The following MMS22L variants were observed in gnomAD, a reference collection of about 807,000 sequenced individuals.
The protein encoded by MMS22L is MMS22 like, DNA repair protein.
In MMS22L, 74 loss-of-function variants were observed where a neutral mutation model predicts 159.1. The ratio of observed to expected loss-of-function variants is 0.47; its 90% CI spans 0.39 to 0.56. The LOEUF (loss-of-function observed/expected upper bound fraction) is 0.56. MMS22L is among the 20% of genes least tolerant of loss of function. The pLI is 0.00. For missense variants in MMS22L, 1,351 were observed against 1,422.1 expected (o/e 0.95, Z 0.80); for synonymous variants, 517 against 506.9 (o/e 1.02, Z -0.27).
intron 14 of MMS22L, among the ~76,000 whole-genome samples, chr6:97,198,307 C>T (rs1483930152): frequency 2.0e-5 from 3 of 152,154 alleles, no homozygotes; most frequent in Admixed American, 2.0e-4. Context: ...GATCCTCCAG[C>T]TTCAGCTGTT....
chr6:97,210,048 A>C (rs1250380313), intron 14 of MMS22L, among the ~76,000 whole-genome samples: 1 of 151,942 alleles, frequency 6.6e-6, no homozygotes, highest in Non-Finnish European at 1.5e-5. Flanking sequence ...AAAGTAATCT[A>C]ATCCAATCCT....
chr6:97,254,872 AG>A (rs1214508896), intron 9 of MMS22L, 139 bp from the exon 10 acceptor site: 2 of 647,086 alleles, frequency 3.1e-6, no homozygotes, highest in Non-Finnish European at 4.8e-6. Context: ...AAAAATGCCC[AG>A]GTTAAGAATC....
chr6:97,195,245 A>C (rs922992107), intron 14 of MMS22L, among the ~76,000 whole-genome samples: 14 of 152,190 alleles, frequency 9.2e-5, no homozygotes, highest in African/African-American at 3.1e-4. Context: ...CACAGACTCA[A>C]GGAACAACAA....
intron 10 of MMS22L, among the ~76,000 whole-genome samples, chr6:97,247,548 G>A (rs755993206): frequency 3.2e-4 from 48 of 151,940 alleles, no homozygotes; most frequent in African/African-American, 7.5e-4. Context: ...GTGAAACCCC[G>A]TCTCTACTAA....
intron 4 of MMS22L, among the ~76,000 whole-genome samples, chr6:97,277,326 T>C (rs890820236): frequency 3.3e-5 from 5 of 152,044 alleles, no homozygotes; most frequent in Non-Finnish European, 7.4e-5. Context: ...GGCAGGAGAA[T>C]TGCTTGAACC....
At chr6:97,210,841 T>C (rs184169868) in intron 14 of MMS22L, among the ~76,000 whole-genome samples, 2 of 152,104 alleles carry the variant, frequency 1.3e-5, no homozygotes, top group Non-Finnish European at 2.9e-5. Context: ...CAACCTAATA[T>C]ATGTAATTTC....
rs73490409 is a variant in MMS22L at position 97,201,653 on chromosome 6, C to T, written c.2040-14963G>A. On this transcript the variant is annotated intron_variant, in intron 14 of 24. Transcript: ENST00000683635. ...TGAATGTAATTTATATGGTGACCCGCGTGTGTGGGAAGCAATATCTAGGTG... is the reference window on the plus strand; with the variant it reads ...TGAATGTAATTTATATGGTGACCCGTGTGTGTGGGAAGCAATATCTAGGTG... 2.4e-3 allele frequency among the ~76,000 whole-genome samples: 358 copies of T among 152,298 alleles called. 2 individuals carry two copies. Among genetic ancestry groups the T allele is most frequent in the African/African-American group, 8.2e-3 (342 of 41,558 alleles).
intron 24 of MMS22L, among the ~76,000 whole-genome samples, chr6:97,148,573 T>A (rs960568678): frequency 6.6e-6 from 1 of 151,516 alleles, no homozygotes; most frequent in Admixed American, 6.6e-5. Context: ...AGTTTAAAAA[T>A]AAAAAATAAT....
At chr6:97,168,037 T>C (rs774742551) in intron 20 of MMS22L, 34 bp downstream of exon 20, 2 of 1,523,164 alleles carry the variant, frequency 1.3e-6, no homozygotes, top group East Asian at 4.6e-5. Flanking sequence ...CAATATTTTT[T>C]TTTTAAACTT....
At chr6:97,280,872 A>G (rs1562535860) in intron 3 of MMS22L, among the ~76,000 whole-genome samples, 1 of 152,216 alleles carries the variant, frequency 6.6e-6, no homozygotes, top group Non-Finnish European at 1.5e-5. Flanking sequence ...CAAATAATTA[A>G]TATTTCTATT....
intron 15 of MMS22L, among the ~76,000 whole-genome samples, chr6:97,182,694 G>C (rs371451861): frequency 1.3e-5 from 2 of 152,032 alleles, no homozygotes; most frequent in African/African-American, 4.8e-5. Context: ...TTTCTGAAAC[G>C]GGGTGGCTGT....
intron 24 of MMS22L, 34 bp from the exon 25 acceptor site, chr6:97,146,921 T>C: frequency 7.4e-7 from 1 of 1,353,654 alleles, no homozygotes; most frequent in Middle Eastern, 1.9e-4. Flanking sequence ...AGCAAATATA[T>C]TAACATTTTC....
intron 14 of MMS22L, among the ~76,000 whole-genome samples, chr6:97,199,635 T>C (rs1806926371): frequency 6.6e-6 from 1 of 151,890 alleles, no homozygotes; most frequent in African/African-American, 2.4e-5. Context: ...AACCAGAAAC[T>C]AGTGACCATT....
intron 7 of MMS22L, among the ~76,000 whole-genome samples, chr6:97,268,308 C>A (rs767231572): frequency 4.0e-5 from 6 of 151,860 alleles, no homozygotes; most frequent in Admixed American, 6.6e-5. Flanking sequence ...CCTCAGCCTC[C>A]CAAGTAGCTG....
rs112862756 is a variant in MMS22L, at chr6:97,173,975, G to T, written c.2680-753C>A. Among the ~76,000 whole-genome samples, 357 of 104,256 alleles carry T rather than the reference G, an allele frequency of 3.4e-3. 2 individuals carry two copies. The highest frequency in any genetic ancestry group is 0.016 in the African/African-American group (341 of 21,452). 68.4% of individuals were successfully genotyped at this position (104,256 alleles called of 152,430 possible). On this transcript the variant is annotated intron_variant, in intron 18 of 24. Coordinates refer to ENST00000683635, the MANE Select transcript of MMS22L (RefSeq NM_001350599.2). Reference sequence around the variant, plus strand: ...ATTAGAAAGTTTAAGGAAAGTGGCCGGTGCGGTGGCTCCTCACGCCTGTAA... The same window carrying T: ...ATTAGAAAGTTTAAGGAAAGTGGCCTGTGCGGTGGCTCCTCACGCCTGTAA...
intron 22 of MMS22L, among the ~76,000 whole-genome samples, chr6:97,156,949 GTAT>G (rs1801918139): frequency 6.6e-6 from 1 of 152,030 alleles, no homozygotes; most frequent in Non-Finnish European, 1.5e-5. Flanking sequence ...CTATCCATGA[GTAT>G]GGAATGTTCT....
intron 18 of MMS22L, among the ~76,000 whole-genome samples, chr6:97,174,254 A>T (rs1019424061): frequency 6.7e-6 from 1 of 150,080 alleles, no homozygotes; most frequent in African/African-American, 2.5e-5. Flanking sequence ...TGTCTCAAAA[A>T]AAAAATAAAA....
chr6:97,233,060 A>G (rs1582722273), intron 12 of MMS22L, among the ~76,000 whole-genome samples: 1 of 149,444 alleles, frequency 6.7e-6, no homozygotes, highest in Non-Finnish European at 1.5e-5. Flanking sequence ...CATTTACACC[A>G]CTTTCAGAAA....
At chr6:97,241,656 G>T (rs973688530) in intron 11 of MMS22L, among the ~76,000 whole-genome samples, 16 of 152,134 alleles carry the variant, frequency 1.1e-4, no homozygotes, top group African/African-American at 3.6e-4. Flanking sequence ...TTTGGGTTTG[G>T]TTTATTCTTG....
Sources: allele counts gnomAD v4.1 joint callset (sites outside exome capture counted in the v4.1 genomes callset), GRCh38; gene constraint gnomAD v4.1.1; transcripts MANE v1.5; gene names NCBI Gene and HGNC (gene_info 2026-07-23, HGNC 2026-07-21).